Variants in NUF2 observed in about 807,000 individuals in gnomAD.
NUF2 encodes the protein kinetochore protein Nuf2.
A neutral mutation model predicts 61.8 loss-of-function variants in NUF2; 34 were observed. The observed-to-expected ratio is 0.55, with a 90% CI of 0.42 to 0.73. The LOEUF is 0.73. NUF2 is among the 30% of genes least tolerant of loss of function. NUF2 has a pLI of 0.00. For synonymous variants in NUF2, 172 were observed against 181.6 expected (o/e 0.95, Z 0.42); for missense variants, 445 against 539.1 (o/e 0.83, Z 1.73).
chr1:163,332,718 T>C (rs1019276416), intron 5 of NUF2, among the ~76,000 whole-genome samples: 1 of 152,184 alleles, frequency 6.6e-6, no homozygotes, highest in Non-Finnish European at 1.5e-5. Flanking sequence ...TATAGTCCAA[T>C]CTCTCTCTAC....
chr1:163,352,045 CCTTTT>C (rs1381037026), intron 13 of NUF2, among the ~76,000 whole-genome samples: 1 of 151,990 alleles, frequency 6.6e-6, no homozygotes, highest in East Asian at 1.9e-4. Context: ...ACTTTCTTTC[CCTTTT>C]CTTTTTCTCT....
chr1:163,323,875 AAG>A (rs904909267), intron 1 of NUF2, among the ~76,000 whole-genome samples: 130 of 152,198 alleles, frequency 8.5e-4, no homozygotes, highest in Non-Finnish European at 1.5e-3. Context: ...ACCAAAAAAA[AAG>A]AGAGGGAAAG....
At position 163,338,016 on chromosome 1, in the gene NUF2, A is replaced by C. The variant is rs746852974; in HGVS notation, c.436-4A>C. On this transcript the variant is annotated splice_polypyrimidine_tract_variant and splice_region_variant and intron_variant, in intron 6 of 13. Transcript: ENST00000271452. ...ATATGAGATGATTAAAATTGCTTTA[A>C]TAGAAATCCTCTGCGGACAAAATGC... 1 of 1,612,058 alleles carries C rather than the reference A, an allele frequency of 6.2e-7. No homozygotes were observed. The highest frequency in any genetic ancestry group is 1.1e-5 in the South Asian group (1 of 91,004).
At chr1:163,328,439 C>T in intron 4 of NUF2, 135 bp downstream of exon 4, 2 of 543,528 alleles carry the variant, frequency 3.7e-6, no homozygotes, top group East Asian at 6.2e-5. Context: ...TACATTCATT[C>T]AAACTTTCAA....
At chr1:163,333,381 G>C (rs141995500) in intron 5 of NUF2, among the ~76,000 whole-genome samples, 40 of 151,916 alleles carry the variant, frequency 2.6e-4, no homozygotes, top group African/African-American at 9.2e-4. Context: ...TCTTTTAATC[G>C]GAGTCTTAGA....
Position 163,326,031 on chromosome 1 carries a change from G to C in NUF2, c.-20-1G>C. The C allele has an allele frequency of 6.2e-7, 1 of 1,607,290 alleles. No individual in the cohort carries two copies. The highest frequency in any genetic ancestry group is 8.5e-7 in the Non-Finnish European group (1 of 1,175,760). On this transcript the variant is annotated splice_acceptor_variant, in intron 1 of 13. Coordinates refer to ENST00000271452, the MANE Select transcript of NUF2 (RefSeq NM_145697.3). LOFTEE classifies it low-confidence loss of function (5UTR_SPLICE). The stretch of plus-strand genomic sequence containing the variant: ...TTTCTCATTGTTTTTTCTTCCTTCA[G>C]ATTAACAGGAAACTTCCAAGATGGA...
At position 163,355,608 on chromosome 1, in the gene NUF2, A is replaced by G; in HGVS notation, c.*139A>G. 2.0e-6 allele frequency: 1 copy of G among 504,300 alleles called. No individual in the cohort carries two copies. Among genetic ancestry groups the G allele is most frequent in the Non-Finnish European group, 3.4e-6 (1 of 296,614 alleles). 31.2% of individuals were successfully genotyped at this position (504,300 alleles called of 1,614,324 possible). A position where few individuals can be genotyped will look rare whatever the true frequency, so the allele number is the denominator to read the frequency against. ...TCAGTTTTTATACACTCTCATAAGT[A>G]GTTAATAAGATGAATTTAATGTAGG... On this transcript the variant is annotated 3_prime_UTR_variant, in exon 14 of 14. Coordinates refer to ENST00000271452, the MANE Select transcript of NUF2 (RefSeq NM_145697.3).
rs138560198 is a variant in NUF2, at chr1:163,349,375, A to C, written c.1260+295A>C. Among the ~76,000 whole-genome samples, 495 of 152,240 alleles carry C rather than the reference A, an allele frequency of 3.3e-3. 2 individuals are homozygous for C. Among genetic ancestry groups the C allele is most frequent in the African/African-American group, 0.012 (479 of 41,554 alleles). ...TCTTTTAACTGCCAATGTCTCTAAC[A>C]AGTAGTATATTCCTAATATATTTAT... is the stretch of plus-strand genomic sequence containing the variant. On this transcript the variant is annotated intron_variant, in intron 13 of 13. Transcript: ENST00000271452.
At chr1:163,331,686 T>G (rs1650603679) in intron 5 of NUF2, among the ~76,000 whole-genome samples, 1 of 152,072 alleles carries the variant, frequency 6.6e-6, no homozygotes. Flanking sequence ...GGTTAAGGGC[T>G]ATTCTGGTTG....
Position 163,354,806 on chromosome 1 carries a change from A to C in NUF2, c.1261-529A>C, listed in dbSNP as rs1162338751. ...GTACACGCTAATTTTTTTCTTATTT[A>C]ATCTATAAAAATTGTTGTTTTATTT... On this transcript the variant is annotated intron_variant, in intron 13 of 13. Coordinates refer to ENST00000271452, the MANE Select transcript of NUF2 (RefSeq NM_145697.3). Among the ~76,000 whole-genome samples, 3 of 152,204 alleles carry C rather than the reference A, an allele frequency of 2.0e-5. No homozygotes were observed. The East Asian group carries it at 5.8e-4, about 29-fold the overall frequency.
Position 163,339,243 on chromosome 1 carries a change from A to G in NUF2, c.510-138A>G. 6.7e-6 allele frequency: 4 copies of G among 595,836 alleles called. No individual in the cohort carries two copies. In the South Asian group the frequency reaches 8.7e-5, roughly 13 times the overall value. The allele number at this position is 595,836 out of a possible 1,614,324, so 36.9% of individuals were successfully genotyped here. On this transcript the variant is annotated intron_variant, in intron 7 of 13. Coordinates refer to ENST00000271452, the MANE Select transcript of NUF2 (RefSeq NM_145697.3). ...GTAGAGGCCAGATCATTCATTTTAAATGATTGCCACATGAAAGGGTGTAAT... is the reference window on the plus strand; with the variant it reads ...GTAGAGGCCAGATCATTCATTTTAAGTGATTGCCACATGAAAGGGTGTAAT...
chr1:163,334,004 G>C (rs1380652025), intron 5 of NUF2, among the ~76,000 whole-genome samples: 1 of 152,018 alleles, frequency 6.6e-6, no homozygotes, highest in East Asian at 1.9e-4. Flanking sequence ...TCCAGTGTCT[G>C]TTCTACTTTG....
At chr1:163,349,118 C>T (rs2101690051) in intron 13 of NUF2, 38 bp downstream of exon 13, 1 of 1,559,088 alleles carries the variant, frequency 6.4e-7, no homozygotes, top group East Asian at 2.3e-5. Flanking sequence ...TTCAAATAAT[C>T]TCTCATGTAT....
chr1:163,325,901 A>C, intron 1 of NUF2, 131 bp from the exon 2 acceptor site: 1 of 561,590 alleles, frequency 1.8e-6, no homozygotes, highest in Non-Finnish European at 3.1e-6. Context: ...TATCTTACTA[A>C]GATATTTGAT....
chr1:163,352,504 G>A (rs749846608), intron 13 of NUF2, among the ~76,000 whole-genome samples: 1 of 152,172 alleles, frequency 6.6e-6, no homozygotes, highest in Non-Finnish European at 1.5e-5. Flanking sequence ...TAGGTGTCAG[G>A]CTTCACACTT....
At chr1:163,347,636 G>A (rs191813629) in intron 11 of NUF2, 127 bp from the exon 12 acceptor site, 15 of 665,696 alleles carry the variant, frequency 2.3e-5, no homozygotes, top group South Asian at 5.8e-5. Flanking sequence ...GGACTTTCAG[G>A]TTTTAAAGAG....
chr1:163,348,038 G>A (rs544684513), intron 12 of NUF2, 100 bp downstream of exon 12: 3 of 802,012 alleles, frequency 3.7e-6, no homozygotes, highest in African/African-American at 1.8e-5. Context: ...TTCCAAAAGA[G>A]TTTAAACAGC....
chr1:163,337,576 T>A (rs1650804803), intron 6 of NUF2, among the ~76,000 whole-genome samples: 2 of 151,980 alleles, frequency 1.3e-5, no homozygotes, highest in African/African-American at 4.8e-5. Flanking sequence ...ATACACACAC[T>A]CTCATAATTT....
At chr1:163,350,160 G>A (rs1651264830) in intron 13 of NUF2, among the ~76,000 whole-genome samples, 1 of 151,866 alleles carries the variant, frequency 6.6e-6, no homozygotes, top group South Asian at 2.1e-4. Context: ...AAATTAGCCA[G>A]GCGTGGTGGT....
Sources: gnomAD v4.1 joint callset for allele counts (sites outside exome capture counted in the v4.1 genomes callset) on GRCh38, gnomAD v4.1.1 for gene constraint, MANE v1.5 for transcripts, NCBI Gene and HGNC (gene_info 2026-07-23, HGNC 2026-07-21) for gene names.